Variants in SUN3 observed in about 807,000 individuals in gnomAD.
SUN3 encodes the protein SUN domain-containing protein 3.
In SUN3, 36 loss-of-function variants were observed where a neutral mutation model predicts 48.2. That is an observed-to-expected ratio of 0.75 (90% CI 0.57 to 0.99). SUN3 has a LOEUF of 0.99. SUN3 is among the 50% of genes least tolerant of loss of function. The pLI, the probability that SUN3 is intolerant of heterozygous loss-of-function variation, is 0.00. For missense variants in SUN3, 419 were observed against 433.1 expected (o/e 0.97, Z 0.29); for synonymous variants, 148 against 147.9 (o/e 1.00, Z 0.00).
intron 9 of SUN3, 86 bp downstream of exon 9, chr7:47,988,702 C>T (rs1788966170): frequency 2.7e-6 from 2 of 750,086 alleles, no homozygotes; most frequent in Non-Finnish European, 4.3e-6. Flanking sequence ...CATAATTATT[C>T]TCATACGTCA....
chr7:48,006,188 C>A, intron 5 of SUN3, 135 bp from the exon 6 acceptor site: 1 of 627,674 alleles, frequency 1.6e-6, no homozygotes. Context: ...GCACTCTGAG[C>A]CAGGCCCTGT....
intron 2 of SUN3, among the ~76,000 whole-genome samples, chr7:48,024,000 TA>T (rs1447883433): frequency 6.6e-6 from 1 of 152,064 alleles, no homozygotes; most frequent in African/African-American, 2.4e-5. Flanking sequence ...GAAAGAGTAA[TA>T]TTTTTAGCAA....
At chr7:47,987,497 CAAA>C in intron 9 of SUN3, 48 bp from the exon 10 acceptor site, 1 of 1,449,796 alleles carries the variant, frequency 6.9e-7, no homozygotes, top group Non-Finnish European at 9.1e-7. Context: ...AAATTCATCT[CAAA>C]GAATCCCAAT....
In SUN3 at chr7:48,025,944, A is replaced by C; in HGVS notation, c.123-6T>G. On this transcript the variant is annotated splice_region_variant and splice_polypyrimidine_tract_variant and intron_variant, in intron 1 of 9. Transcript: ENST00000297325. ...TCTTCCATGATCGAGTTACCCTAAA[A>C]GAATAAAAACAATGATTAGAAAAAG... is the stretch of plus-strand genomic sequence containing the variant. 2 of 1,582,668 alleles carry C rather than the reference A, an allele frequency of 1.3e-6. No individual in the cohort carries two copies. Among genetic ancestry groups the C allele is most frequent in the Non-Finnish European group, 8.6e-7 (1 of 1,156,614 alleles).
upstream of SUN3, among the ~76,000 whole-genome samples, chr7:48,029,596 T>A (rs937046792): frequency 6.6e-6 from 1 of 152,252 alleles, no homozygotes; most frequent in Non-Finnish European, 1.5e-5. Context: ...TCATTATACA[T>A]ACATCACAAT....
At chr7:48,023,766 C>T (rs1790063413) in intron 2 of SUN3, among the ~76,000 whole-genome samples, 1 of 152,148 alleles carries the variant, frequency 6.6e-6, no homozygotes, top group Non-Finnish European at 1.5e-5. Flanking sequence ...AATGGAAGGA[C>T]AACTTGTGTT....
intron 6 of SUN3, among the ~76,000 whole-genome samples, chr7:47,999,004 T>C (rs1208513999): frequency 6.6e-6 from 1 of 152,212 alleles, no homozygotes; most frequent in East Asian, 1.9e-4. Flanking sequence ...CCACATACAT[T>C]TTGAAAATGG....
chr7:48,014,827 C>A (rs186829348), intron 3 of SUN3, among the ~76,000 whole-genome samples: 12 of 152,242 alleles, frequency 7.9e-5, no homozygotes, highest in Admixed American at 2.6e-4. Context: ...GTTTTCAGGG[C>A]AGGCTGGCAG....
intron 7 of SUN3, among the ~76,000 whole-genome samples, chr7:47,995,057 G>A (rs1436454406): frequency 1.3e-5 from 2 of 152,096 alleles, no homozygotes; most frequent in Admixed American, 6.6e-5. Flanking sequence ...AGAGGTAATG[G>A]TGATGGTAGT....
upstream of SUN3, among the ~76,000 whole-genome samples, chr7:48,032,859 T>C (rs1003246948): frequency 1.3e-5 from 2 of 152,166 alleles, no homozygotes; most frequent in Non-Finnish European, 2.9e-5. Flanking sequence ...GGATGTGTCC[T>C]GAAAGTTTAA....
Position 47,988,865 on chromosome 7 carries a change from A to T in SUN3, c.877T>A (p.Cys293Ser), listed in dbSNP as rs1451629609. 6.2e-7 allele frequency: 1 copy of T among 1,603,526 alleles called. No individual in the cohort carries two copies. Among genetic ancestry groups the T allele is most frequent in the Non-Finnish European group, 8.5e-7 (1 of 1,173,136 alleles). The part of the protein sequence containing the change: ...EFSVYGITKK[C>S]EGEEIFLGQF... The stretch of plus-strand genomic sequence containing the variant: ...CCTAGGAAAATTTCTTCTCCTTCAC[A>T]TTTTTTTGTGATGCCCTATAAAGAA... The change falls in exon 9 of 10, where the codon TGT becomes AGT. Residue 293 changes from cysteine to serine, a missense_variant. Coordinates refer to ENST00000297325, the MANE Select transcript of SUN3 (RefSeq NM_001030019.2).
intron 5 of SUN3, among the ~76,000 whole-genome samples, 173 bp downstream of exon 5, chr7:48,006,992 A>G (rs1789541231): frequency 6.6e-6 from 1 of 152,226 alleles, no homozygotes; most frequent in Admixed American, 6.5e-5. Context: ...GTGACACAGC[A>G]TTTATGAAAC....
intron 1 of SUN3, 81 bp from the exon 2 acceptor site, chr7:48,026,019 G>A (rs915470278): frequency 2.6e-5 from 23 of 870,828 alleles, no homozygotes; most frequent in Non-Finnish European, 3.5e-5. Context: ...CTACACTCAC[G>A]TCAACAAACT....
intron 2 of SUN3, among the ~76,000 whole-genome samples, chr7:48,019,082 A>G (rs1789894865): frequency 6.6e-6 from 1 of 152,238 alleles, no homozygotes; most frequent in Non-Finnish European, 1.5e-5. Flanking sequence ...AAGCAGGCAG[A>G]TGAAAGAATC....
intron 5 of SUN3, 142 bp from the exon 6 acceptor site, chr7:48,006,195 C>T: frequency 1.6e-6 from 1 of 622,700 alleles, no homozygotes; most frequent in East Asian, 2.8e-5. Flanking sequence ...GAGCCAGGCC[C>T]TGTTCATGGA....
chr7:48,025,450 G>A (rs190930495), intron 2 of SUN3, among the ~76,000 whole-genome samples: 49 of 152,242 alleles, frequency 3.2e-4, no homozygotes, highest in East Asian at 2.9e-3. Context: ...GATATTTCCC[G>A]ATACGAAACT....
chr7:47,993,109 C>T (rs1789112342), intron 8 of SUN3, among the ~76,000 whole-genome samples: 1 of 152,070 alleles, frequency 6.6e-6, no homozygotes, highest in Admixed American at 6.5e-5. Context: ...GCAATTATTA[C>T]ACTCAGAAAC....
At position 48,028,800 on chromosome 7, in the gene SUN3, C is replaced by T; in HGVS notation, c.122+17G>A. ...AACCTACAATTTCAGGCACACCGTT[C>T]TGCCATGTTTACCTACCCATTCGCA... On this transcript the variant is annotated intron_variant, in intron 1 of 9. Coordinates refer to ENST00000297325, the MANE Select transcript of SUN3 (RefSeq NM_001030019.2). 1 of 1,612,720 alleles carries T rather than the reference C, an allele frequency of 6.2e-7. No individual in the cohort carries two copies. Among genetic ancestry groups the T allele is most frequent in the African/African-American group, 1.3e-5 (1 of 74,988 alleles).
At chr7:48,020,907 C>T (rs1396349055) in intron 2 of SUN3, among the ~76,000 whole-genome samples, 1 of 152,104 alleles carries the variant, frequency 6.6e-6, no homozygotes, top group African/African-American at 2.4e-5. Context: ...TGACATTCTT[C>T]ACAGAAATAG....
Sources: gnomAD v4.1 joint callset for allele counts (sites outside exome capture counted in the v4.1 genomes callset) on GRCh38, gnomAD v4.1.1 for gene constraint, MANE v1.5 for transcripts, NCBI Gene and HGNC (gene_info 2026-07-23, HGNC 2026-07-21) for gene names.